PDE1C: variants seen among roughly 807,000 people sequenced by gnomAD.
PDE1C encodes phosphodiesterase 1C, also known as dual specificity calcium/calmodulin-dependent 3',5'-cyclic nucleotide phosphodiesterase 1C.
Under a neutral mutation model 93.1 loss-of-function variants are expected in PDE1C, and 62 were observed. The observed-to-expected ratio is 0.67, with a 90% CI of 0.54 to 0.82. The LOEUF is 0.82. Among genes scored for constraint, PDE1C ranks in the 40% least tolerant of loss-of-function variants. The pLI, the probability that PDE1C is intolerant of heterozygous loss-of-function variation, is 0.00. For synonymous variants in PDE1C, 325 were observed against 310.1 expected, an observed-to-expected ratio of 1.05 and a Z score of -0.50; for missense variants, 742 against 884.6, an observed-to-expected ratio of 0.84 and a Z score of 2.04.
chr7:32,096,666 C>T (rs1021650673), intron 3 of PDE1C, among the ~76,000 whole-genome samples: 2 of 152,110 alleles, frequency 1.3e-5, no homozygotes, highest in African/African-American at 2.4e-5. Context: ...GTTTCTATGG[C>T]ATGGAAAACA....
intron 3 of PDE1C, among the ~76,000 whole-genome samples, chr7:32,150,748 G>C (rs1801193000): frequency 6.6e-6 from 1 of 152,200 alleles, no homozygotes; most frequent in Non-Finnish European, 1.5e-5. Flanking sequence ...AACCACATAA[G>C]GGTTAGGTCT....
At chr7:31,720,676 C>T in the PDE1C span, among the ~76,000 whole-genome samples, 857 of 152,290 alleles carry the variant, frequency 5.6e-3, 8 homozygotes, top group African/African-American at 0.02. Context: ...CGTTCTTGAA[C>T]AAATGCACAT....
chr7:32,020,327 A>T (rs1233607376), intron 2 of PDE1C, among the ~76,000 whole-genome samples: 3 of 151,590 alleles, frequency 2.0e-5, no homozygotes, highest in South Asian at 2.1e-4. Context: ...GCCCTAAAAA[A>T]CTCTGGTTGG....
At chr7:31,710,034 G>A in the PDE1C span, among the ~76,000 whole-genome samples, 493 of 152,132 alleles carry the variant, frequency 3.2e-3, 4 homozygotes, top group African/African-American at 0.011. Flanking sequence ...CTGTGGTATC[G>A]GCTACTCAGG....
At chr7:31,875,992 TCA>T (rs1180837824) in intron 5 of PDE1C, among the ~76,000 whole-genome samples, 1 of 151,620 alleles carries the variant, frequency 6.6e-6, no homozygotes, top group African/African-American at 2.4e-5. Context: ...TTGTATTCTC[TCA>T]GTCTTTAGGG....
chr7:31,965,619 T>C (rs887235694), intron 2 of PDE1C, among the ~76,000 whole-genome samples: 1 of 152,108 alleles, frequency 6.6e-6, no homozygotes, highest in African/African-American at 2.4e-5. Flanking sequence ...GCCACAAAGA[T>C]ACTCCTCGAG....
chr7:31,750,772 C>G (rs1452220910), downstream of PDE1C, among the ~76,000 whole-genome samples: 6 of 152,176 alleles, frequency 3.9e-5, no homozygotes, highest in Admixed American at 2.0e-4. Flanking sequence ...CGCTCTGTCG[C>G]CCAGGCTGGA....
chr7:31,772,561 T>C (rs1795564350), intron 17 of PDE1C, among the ~76,000 whole-genome samples: 1 of 149,800 alleles, frequency 6.7e-6, no homozygotes, highest in Admixed American at 6.6e-5. Context: ...GCACCAGTTT[T>C]TTTAAAAGAT....
At chr7:31,922,616 A>C (rs939784566) in intron 2 of PDE1C, among the ~76,000 whole-genome samples, 1 of 152,176 alleles carries the variant, frequency 6.6e-6, no homozygotes, top group African/African-American at 2.4e-5. Flanking sequence ...ACCAAATTAC[A>C]TTTGGGTATT....
At chr7:32,042,146 A>T (rs1034431912) in intron 2 of PDE1C, among the ~76,000 whole-genome samples, 13 of 152,166 alleles carry the variant, frequency 8.5e-5, no homozygotes, top group African/African-American at 3.1e-4. Flanking sequence ...TTAAAAATAC[A>T]AGAAGTAGCT....
chr7:31,628,713 C>T, the PDE1C span, among the ~76,000 whole-genome samples: 5 of 152,122 alleles, frequency 3.3e-5, no homozygotes, highest in East Asian at 9.7e-4. Context: ...GCCTCGGCCT[C>T]CGAAAGTGCT....
At chr7:31,875,797 A>ATATATCTATATATATC (rs1220230352) in intron 5 of PDE1C, among the ~76,000 whole-genome samples, 1 of 47,164 alleles carries the variant, frequency 2.1e-5, no homozygotes, top group African/African-American at 8.9e-5. Context: ...TTACATCTAT[A>ATATATCTATATATATC]TATATATATA....
At chr7:32,245,968 C>CTTT (rs369247468) in intron 1 of PDE1C, among the ~76,000 whole-genome samples, 3 of 94,848 alleles carry the variant, frequency 3.2e-5, no homozygotes, top group East Asian at 3.0e-4. Flanking sequence ...TTTTTCTTTT[C>CTTT]TTTTTTTTTT....
intron 2 of PDE1C, among the ~76,000 whole-genome samples, chr7:31,921,620 C>T (rs1802632755): frequency 6.6e-6 from 1 of 152,176 alleles, no homozygotes; most frequent in Non-Finnish European, 1.5e-5. Context: ...AAAGGGTTTA[C>T]TGCTGTTGGC....
intron 1 of PDE1C, among the ~76,000 whole-genome samples, chr7:32,413,618 G>C (rs149771308): frequency 1.5e-3 from 222 of 152,196 alleles, no homozygotes; most frequent in African/African-American, 5.1e-3. Context: ...GTTTCAGTTT[G>C]CCAAGATGAA....
the PDE1C span, among the ~76,000 whole-genome samples, chr7:31,672,288 G>A: frequency 6.6e-6 from 1 of 152,130 alleles, no homozygotes; most frequent in Non-Finnish European, 1.5e-5. Context: ...TATTATGGAT[G>A]TTGTTTCATG....
intron 2 of PDE1C, among the ~76,000 whole-genome samples, chr7:31,955,566 T>C (rs946034074): frequency 1.3e-5 from 2 of 152,110 alleles, no homozygotes; most frequent in Non-Finnish European, 2.9e-5. Flanking sequence ...GGTGGGGCAG[T>C]ATAAAGTATA....
intron 1 of PDE1C, among the ~76,000 whole-genome samples, chr7:32,404,431 A>G (rs417866): frequency 0.85 from 129,160 of 152,044 alleles, 57,181 homozygotes; most frequent in East Asian, 0.99. Context: ...ACAGCTCACT[A>G]CAGCCTCAGC....
At chr7:31,978,154 T>C (rs565017287) in intron 2 of PDE1C, among the ~76,000 whole-genome samples, 11 of 152,288 alleles carry the variant, frequency 7.2e-5, no homozygotes, top group South Asian at 6.2e-4. Flanking sequence ...GAAAAAGGTA[T>C]CTGACCAGAT....
Sources: gnomAD v4.1 joint callset for allele counts (sites outside exome capture counted in the v4.1 genomes callset) on GRCh38, gnomAD v4.1.1 for gene constraint, MANE v1.5 for transcripts, NCBI Gene and HGNC (gene_info 2026-07-23, HGNC 2026-07-21) for gene names.